The following ROR1 variants were observed in gnomAD, a reference collection of about 807,000 sequenced individuals.
The protein encoded by ROR1 is inactive tyrosine-protein kinase transmembrane receptor ROR1.
A neutral mutation model predicts 78.8 loss-of-function variants in ROR1; 19 were observed. The ratio of observed to expected loss-of-function variants is 0.24; its 90% CI spans 0.17 to 0.35. The LOEUF (loss-of-function observed/expected upper bound fraction) is 0.35. Ranked by LOEUF, ROR1 falls within the 10% of genes least tolerant of loss-of-function variation. ROR1 has a pLI of 1.00. For missense variants in ROR1, 917 were observed against 1,177.8 expected, an observed-to-expected ratio of 0.78 and a Z score of 3.24; for synonymous variants, 386 against 433.6, an observed-to-expected ratio of 0.89 and a Z score of 1.36.
chr1:64,118,807 A>T (rs896981638), intron 4 of ROR1, among the ~76,000 whole-genome samples: 2 of 152,144 alleles, frequency 1.3e-5, no homozygotes, highest in African/African-American at 4.8e-5. Context: ...GAGATAATGC[A>T]TATATAGCAC....
At chr1:63,968,854 T>G (rs1348202577) in intron 1 of ROR1, among the ~76,000 whole-genome samples, 1 of 152,208 alleles carries the variant, frequency 6.6e-6, no homozygotes, top group Non-Finnish European at 1.5e-5. Flanking sequence ...TGCAGGAATT[T>G]GTTCAACACA....
intron 1 of ROR1, among the ~76,000 whole-genome samples, chr1:63,856,042 G>T (rs1645146423): frequency 6.6e-6 from 1 of 151,384 alleles, no homozygotes; most frequent in African/African-American, 2.4e-5. Context: ...TTAATGTTCT[G>T]TCTGCTAATT....
chr1:63,952,426 A>T (rs1321148189), intron 1 of ROR1, among the ~76,000 whole-genome samples: 1 of 152,102 alleles, frequency 6.6e-6, no homozygotes, highest in Non-Finnish European at 1.5e-5. Context: ...AGGGAAGGAG[A>T]GAGCATGGGA....
chr1:64,163,521 C>T lies in ROR1; in HGVS notation c.1386+4329C>T, dbSNP rs533658412. 3.5e-4 allele frequency among the ~76,000 whole-genome samples: 54 copies of T among 152,228 alleles called. 1 individual carries two copies. In the East Asian group the frequency reaches 9.9e-3, roughly 28 times the overall value. Reference sequence around the variant, plus strand: ...CAAAGCCTGGACAGCCCCCATGAGTCGAACTCCTGCAGCTCCTGGCTGATG... The same window carrying T: ...CAAAGCCTGGACAGCCCCCATGAGTTGAACTCCTGCAGCTCCTGGCTGATG... On this transcript the variant is annotated intron_variant, in intron 8 of 8. Transcript: ENST00000371079.
At chr1:63,782,973 G>A (rs756745692) in intron 1 of ROR1, among the ~76,000 whole-genome samples, 1 of 152,112 alleles carries the variant, frequency 6.6e-6, no homozygotes, top group Admixed American at 6.5e-5. Context: ...GAGAGGGTGC[G>A]GGATTGAAGG....
At chr1:63,993,319 T>C (rs1358046653) in intron 1 of ROR1, among the ~76,000 whole-genome samples, 1 of 152,182 alleles carries the variant, frequency 6.6e-6, no homozygotes, top group Non-Finnish European at 1.5e-5. Context: ...TCTTTGAGAA[T>C]TGAACTCTTT....
intron 4 of ROR1, among the ~76,000 whole-genome samples, chr1:64,062,005 T>C (rs1646920492): frequency 6.6e-6 from 1 of 152,178 alleles, no homozygotes; most frequent in Non-Finnish European, 1.5e-5. Flanking sequence ...TTTCAAACAG[T>C]GTGAAAGATT....
chr1:64,055,914 A>G (rs1336717189), intron 4 of ROR1, among the ~76,000 whole-genome samples: 2 of 152,226 alleles, frequency 1.3e-5, no homozygotes, highest in Non-Finnish European at 2.9e-5. Flanking sequence ...GACATTTCAT[A>G]TAAGTAGAAT....
intron 4 of ROR1, among the ~76,000 whole-genome samples, chr1:64,075,648 T>TTTTC: frequency 6.6e-6 from 1 of 152,336 alleles, no homozygotes; most frequent in East Asian, 1.9e-4. Context: ...CTCAGGCATC[T>TTTTC]TTATAAGTAA....
chr1:63,788,790 G>A (rs1644707251), intron 1 of ROR1: 14 of 582,528 alleles, frequency 2.4e-5, no homozygotes, highest in South Asian at 2.0e-4. Flanking sequence ...ACTCTTTATG[G>A]CGCTTGCATG....
intron 1 of ROR1, among the ~76,000 whole-genome samples, chr1:63,787,511 TTTCC>T (rs1644697953): frequency 6.6e-6 from 1 of 150,990 alleles, no homozygotes; most frequent in East Asian, 1.9e-4. Context: ...ACTTCCTTTC[TTTCC>T]TTCCTTCTCT....
intron 1 of ROR1, among the ~76,000 whole-genome samples, chr1:63,920,375 C>T (rs1484035800): frequency 6.6e-6 from 1 of 152,114 alleles, no homozygotes; most frequent in Non-Finnish European, 1.5e-5. Flanking sequence ...GAAGGCGTCT[C>T]ATAGGTATGG....
intron 4 of ROR1, among the ~76,000 whole-genome samples, chr1:64,135,855 C>G (rs1649083949): frequency 6.6e-6 from 1 of 152,100 alleles, no homozygotes; most frequent in South Asian, 2.1e-4. Context: ...GAAGATACTT[C>G]CCCCACTTTC....
chr1:63,979,659 G>T (rs187141629), intron 1 of ROR1, among the ~76,000 whole-genome samples: 1 of 152,234 alleles, frequency 6.6e-6, no homozygotes, highest in East Asian at 1.9e-4. Flanking sequence ...GTGGGCATGG[G>T]GCTCTGGGTG....
At chr1:63,953,911 T>G (rs1434185262) in intron 1 of ROR1, among the ~76,000 whole-genome samples, 1 of 151,968 alleles carries the variant, frequency 6.6e-6, no homozygotes, top group Non-Finnish European at 1.5e-5. Flanking sequence ...GAAGGAAAAT[T>G]GGGAAGAAAG....
At chr1:63,778,346 G>A (rs1644629795) in intron 1 of ROR1, among the ~76,000 whole-genome samples, 1 of 152,216 alleles carries the variant, frequency 6.6e-6, no homozygotes, top group Admixed American at 6.5e-5. Flanking sequence ...CAAGAAAAGT[G>A]TCAACCTCTG....
At chr1:63,933,524 G>A (rs935635347) in intron 1 of ROR1, among the ~76,000 whole-genome samples, 37 of 152,266 alleles carry the variant, frequency 2.4e-4, no homozygotes, top group African/African-American at 7.2e-4. Context: ...GCTCTCTTTC[G>A]TAAGTTTTCT....
intron 4 of ROR1, among the ~76,000 whole-genome samples, chr1:64,130,912 T>C (rs1232542441): frequency 6.6e-6 from 1 of 152,206 alleles, no homozygotes; most frequent in South Asian, 2.1e-4. Context: ...CACACTCAGC[T>C]CGAGGTTACT....
intron 4 of ROR1, among the ~76,000 whole-genome samples, chr1:64,098,435 G>A (rs1252705887): frequency 4.6e-5 from 7 of 152,130 alleles, no homozygotes; most frequent in Admixed American, 1.3e-4. Flanking sequence ...TGGAGGTTCC[G>A]CGGTCTCTCT....
Sources: allele counts gnomAD v4.1 joint callset (sites outside exome capture counted in the v4.1 genomes callset), GRCh38; gene constraint gnomAD v4.1.1; transcripts MANE v1.5; gene names NCBI Gene and HGNC (gene_info 2026-07-23, HGNC 2026-07-21).